The following PNPLA6 variants were observed in gnomAD, a reference collection of about 807,000 sequenced individuals.
The protein encoded by PNPLA6 is patatin-like phospholipase domain-containing protein 6.
PNPLA6 carries 105 observed loss-of-function variants against 153.7 expected under a neutral mutation model. The observed-to-expected ratio is 0.68, with a 90% CI of 0.58 to 0.80. The LOEUF (loss-of-function observed/expected upper bound fraction) is 0.80, where lower values mean the gene tolerates loss of function less well. Among genes scored for constraint, PNPLA6 ranks in the 30% least tolerant of loss-of-function variants. The pLI is 0.00. For synonymous variants in PNPLA6, 825 were observed against 822.2 expected, an observed-to-expected ratio of 1.00 and a Z score of -0.06; for missense variants, 1,423 against 1,919.3, an observed-to-expected ratio of 0.74 and a Z score of 4.83.
intron 3 of PNPLA6, among the ~76,000 whole-genome samples, chr19:7,536,926 C>CAAAA (rs56310906): frequency 6.3e-4 from 34 of 53,920 alleles, no homozygotes; most frequent in Non-Finnish European, 8.7e-4. Flanking sequence ...GACTCTGTCT[C>CAAAA]AAAAAAAAAA....
chr19:7,538,826 G>A lies in PNPLA6; in HGVS notation c.414-1092G>A, dbSNP rs188603028. On this transcript the variant is annotated intron_variant, in intron 3 of 31. Coordinates refer to ENST00000600737, the MANE Select transcript of PNPLA6 (RefSeq NM_001166114.2). ...GAAGCTATGTCAAAGGCATACTCAC[G>A]TTAAGGGGACTATCTCAGGAATCTA... 4.5e-3 allele frequency among the ~76,000 whole-genome samples: 689 copies of A among 152,338 alleles called. 3 individuals are homozygous for A. The highest frequency in any genetic ancestry group is 0.016 in the African/African-American group (650 of 41,576).
At chr19:7,560,967 A>G in intron 29 of PNPLA6, 47 bp from the exon 30 acceptor site, 1 of 1,323,396 alleles carries the variant, frequency 7.6e-7, no homozygotes, top group Non-Finnish European at 1.1e-6. Flanking sequence ...AGGGGCCCCA[A>G]GACTCTGTGG....
intron 13 of PNPLA6, among the ~76,000 whole-genome samples, chr19:7,545,146 C>T (rs911354912): frequency 3.3e-4 from 50 of 152,260 alleles, no homozygotes; most frequent in Admixed American, 1.2e-3. Flanking sequence ...CCCACCTCAG[C>T]CTCCCTCGAA....
At position 7,557,175 on chromosome 19, in the gene PNPLA6, G is replaced by A; in HGVS notation, c.3288G>A (p.Leu1096=). The A allele has an allele frequency of 6.2e-7, 1 of 1,611,266 alleles. No individual in the cohort carries two copies. The highest frequency in any genetic ancestry group is 1.1e-5 in the South Asian group (1 of 91,022). ...GTGTGTCCCACCGCGCAGGCTCCCT[G>A]TGGCGGTACGTGCGCGCCAGCATGA... ...SAMRVHKDGS[L]WRYVRASMTL... The change falls in exon 27 of 32, where the codon CTG becomes CTA. Residue 1096 remains leucine, a synonymous_variant. Coordinates refer to ENST00000600737, the MANE Select transcript of PNPLA6 (RefSeq NM_001166114.2).
In PNPLA6 at chr19:7,549,203, T is replaced by TC. The variant is rs543045967; in HGVS notation, c.1609-704_1609-703insC. Among the ~76,000 whole-genome samples, 186 of 143,914 alleles carry TC rather than the reference T, an allele frequency of 1.3e-3. 2 individuals carry two copies. In the East Asian group the frequency reaches 0.024, roughly 18 times the overall value. 94.4% of individuals were successfully genotyped at this position (143,914 alleles called of 152,430 possible). A position where few individuals can be genotyped will look rare whatever the true frequency, so the allele number is the denominator to read the frequency against. ...GTTTCTTTTTTTTCTTTTTTTTTTTTTGAGACGGAGTCTCGCTCTGTCGCC... is the reference window on the plus strand; with the variant it reads ...GTTTCTTTTTTTTCTTTTTTTTTTTTCTGAGACGGAGTCTCGCTCTGTCGCC... On this transcript the variant is annotated intron_variant, in intron 13 of 31. Transcript: ENST00000600737.
intron 18 of PNPLA6, among the ~76,000 whole-genome samples, chr19:7,552,340 A>C: frequency 6.6e-6 from 1 of 152,188 alleles, no homozygotes; most frequent in East Asian, 1.9e-4. Flanking sequence ...TGGTGGCCAG[A>C]TTCTGGGCCA....
At position 7,560,726 on chromosome 19, in the gene PNPLA6, C is replaced by T. The variant is rs370218891; in HGVS notation, c.3778C>T (p.Arg1260Trp). 9.3e-6 allele frequency: 15 copies of T among 1,613,378 alleles called. No individual in the cohort carries two copies. The highest frequency in any genetic ancestry group is 8.0e-5 in the African/African-American group (6 of 74,878). The change falls in exon 29 of 32, where the codon CGG becomes TGG. Residue 1260 changes from arginine to tryptophan, a missense_variant. Physicochemically the swap from Arg to Trp is moderately radical, Grantham distance 101 (BLOSUM62 -3). Coordinates refer to ENST00000600737, the MANE Select transcript of PNPLA6 (RefSeq NM_001166114.2). ...GNVIEKMLTDRRSTDLNESRR... is the reference protein window; with the variant it reads ...GNVIEKMLTDWRSTDLNESRR... ...CGTCATTGAGAAAATGCTCACAGAC[C>T]GGCGGTCTACAGACCTTAATGAGAG...
Position 7,550,282 on chromosome 19 carries a change from A to C in PNPLA6, c.1815-16A>C, listed in dbSNP as rs2023585921. Reference sequence around the variant, plus strand: ...TTTTGAGGCCTTCCTCTTTCATCCCAAGTCTGTTCCTGCAGGATCATGCGC... The same window carrying C: ...TTTTGAGGCCTTCCTCTTTCATCCCCAGTCTGTTCCTGCAGGATCATGCGC... On this transcript the variant is annotated splice_polypyrimidine_tract_variant and intron_variant, in intron 14 of 31. Transcript: ENST00000600737. 1 of 1,612,906 alleles carries C rather than the reference A, an allele frequency of 6.2e-7. No homozygotes were observed. Among genetic ancestry groups the C allele is most frequent in the African/African-American group, 1.3e-5 (1 of 75,060 alleles).
Position 7,554,582 on chromosome 19 carries a change from G to C in PNPLA6, c.2493G>C (p.Trp831Cys), listed in dbSNP as rs781718481. 3 of 1,614,100 alleles carry C rather than the reference G, an allele frequency of 1.9e-6. No individual in the cohort carries two copies. The South Asian group carries it at 3.3e-5, about 18-fold the overall frequency. The change falls in exon 21 of 32, where the codon TGG becomes TGC. Residue 831 changes from tryptophan to cysteine, a missense_variant. Around this residue, in one of 10 missense-constraint regions of PNPLA6, gnomAD observed 643 missense variants for 835.2 expected, o/e 0.77. Coordinates refer to ENST00000600737, the MANE Select transcript of PNPLA6 (RefSeq NM_001166114.2). Reference sequence around the variant, plus strand: ...TCCAAGAGTTCCGGCTGTCAGGGTGGCTGGCCCAGCAGGAGGATGCACACC... The same window carrying C: ...TCCAAGAGTTCCGGCTGTCAGGGTGCCTGGCCCAGCAGGAGGATGCACACC... ...DSIQEFRLSG[W>C]LAQQEDAHRI...
chr19:7,556,790 G>A (rs1450747529), intron 26 of PNPLA6, 66 bp downstream of exon 26: 2 of 1,148,928 alleles, frequency 1.7e-6, no homozygotes, highest in Admixed American at 1.7e-5. Flanking sequence ...ATGCTTCCGG[G>A]AGGGCCGCTG....
At chr19:7,557,474 C>A in intron 27 of PNPLA6, 190 bp downstream of exon 27, 1 of 651,856 alleles carries the variant, frequency 1.5e-6, no homozygotes, top group South Asian at 1.7e-5. Context: ...CTGTGGACAG[C>A]GACATGTGCA....
chr19:7,535,775 G>A lies in PNPLA6; in HGVS notation c.-14G>A. ...GCGCCCCCGGGGAGGGAGCAGCACT[G>A]GCCCATTCTGCAGATGGGGACATCG... is the stretch of plus-strand genomic sequence containing the variant. On this transcript the variant is annotated 5_prime_UTR_variant, in exon 1 of 32. Transcript: ENST00000600737. This position sits in a 1 kb window ranked among gnomAD's most constrained non-coding sequence, Gnocchi z 5.0. The A allele has an allele frequency of 6.5e-7, 1 of 1,534,142 alleles. No homozygotes were observed. The highest frequency in any genetic ancestry group is 8.7e-7 in the Non-Finnish European group (1 of 1,144,920).
At position 7,555,750 on chromosome 19, in the gene PNPLA6, G is replaced by C. The variant is rs760753514; in HGVS notation, c.3080G>C (p.Arg1027Pro). Residue 1027 changes from arginine (R) to proline (P), a missense_variant, in exon 24 of 32, where the codon CGG (arginine) becomes CCG (proline). Coordinates refer to ENST00000600737, the MANE Select transcript of PNPLA6 (RefSeq NM_001166114.2). This position sits in a 1 kb window ranked among gnomAD's most constrained non-coding sequence, Gnocchi z 6.3. ...RSASRTKQRAREWAKSMTSVL... is the reference protein window; with the variant it reads ...RSASRTKQRAPEWAKSMTSVL... ...GCCAGCCGCACGAAGCAGCGGGCCC[G>C]GGAGTGGGCCAAGGTGTGTGTTGCG... The C allele has an allele frequency of 6.2e-7, 1 of 1,613,604 alleles. No individual in the cohort carries two copies. The highest frequency in any genetic ancestry group is 1.1e-5 in the South Asian group (1 of 91,066).
At chr19:7,558,542 G>A (rs1290642597) in intron 27 of PNPLA6, among the ~76,000 whole-genome samples, 1 of 152,162 alleles carries the variant, frequency 6.6e-6, no homozygotes, top group Non-Finnish European at 1.5e-5. Flanking sequence ...TGAGGCAAGA[G>A]AGTTGCTTGA....
Position 7,540,719 on chromosome 19 carries a change from C to G in PNPLA6, c.795+9C>G. ...TCCTGGATGTCATCACCGTGAGTGA[C>G]CAGTTTCTGAGGCAGGGGGGCTGGG... On this transcript the variant is annotated intron_variant, in intron 6 of 31. Coordinates refer to ENST00000600737, the MANE Select transcript of PNPLA6 (RefSeq NM_001166114.2). This position sits in a 1 kb window ranked among gnomAD's most constrained non-coding sequence, Gnocchi z 6.8. 1 of 1,610,386 alleles carries G rather than the reference C, an allele frequency of 6.2e-7. No individual in the cohort carries two copies. The highest frequency in any genetic ancestry group is 8.5e-7 in the Non-Finnish European group (1 of 1,176,606).
At chr19:7,556,149 A>G (rs1568421201) in intron 24 of PNPLA6, among the ~76,000 whole-genome samples, 1 of 126,238 alleles carries the variant, frequency 7.9e-6, no homozygotes, top group African/African-American at 3.0e-5. Context: ...TGCAACCTCC[A>G]CCTCCCAGGT....
chr19:7,536,501 G>T lies in PNPLA6; in HGVS notation c.368G>T (p.Arg123Leu). 3.1e-6 allele frequency: 5 copies of T among 1,614,030 alleles called. No individual in the cohort carries two copies. The highest frequency in any genetic ancestry group is 4.2e-6 in the Non-Finnish European group (5 of 1,179,906). Residue 123 changes from arginine to leucine, a missense_variant, in exon 3 of 32, where the codon CGG becomes CTG. Around this residue, in one of 10 missense-constraint regions of PNPLA6, gnomAD observed 74 missense variants for 171.3 expected, o/e 0.43. Coordinates refer to ENST00000600737, the MANE Select transcript of PNPLA6 (RefSeq NM_001166114.2). ...LVDTSVSATSRPRMRKKLKML... is the reference protein window; with the variant it reads ...LVDTSVSATSLPRMRKKLKML... Reference sequence around the variant, plus strand: ...GATACCTCTGTCTCCGCCACCTCCCGGCCACGCATGAGGAAGAAACTGAAG... The same window carrying T: ...GATACCTCTGTCTCCGCCACCTCCCTGCCACGCATGAGGAAGAAACTGAAG...
chr19:7,536,926 CAAAAAAAAAAAAAA>C (rs56310906), intron 3 of PNPLA6, among the ~76,000 whole-genome samples: 2 of 53,966 alleles, frequency 3.7e-5, no homozygotes, highest in Non-Finnish European at 6.9e-5. Flanking sequence ...GACTCTGTCT[CAAAAAAAAAAAAAA>C]AAAAAAAAAA....
chr19:7,536,594 C>A, intron 3 of PNPLA6, 48 bp downstream of exon 3: 1 of 1,232,386 alleles, frequency 8.1e-7, no homozygotes, highest in Non-Finnish European at 1.2e-6. Context: ...ATCTCAGGGG[C>A]CTTTTGAGTA....
Sources: gnomAD v4.1 joint callset for allele counts (sites outside exome capture counted in the v4.1 genomes callset) on GRCh38, gnomAD v4.1.1 for gene constraint, gnomAD v4.1.1 regional missense constraint, Gnocchi (gnomAD v3.1) non-coding constraint, MANE v1.5 for transcripts, NCBI Gene and HGNC (gene_info 2026-07-23, HGNC 2026-07-21) for gene names.